Variants in SLC24A2 observed in about 807,000 individuals in gnomAD.
The protein encoded by SLC24A2 is solute carrier family 24 member 2, also known as sodium/potassium/calcium exchanger 2.
In SLC24A2, 36 loss-of-function variants were observed where a neutral mutation model predicts 62.0. The observed-to-expected ratio is 0.58, with a 90% CI of 0.44 to 0.77. The LOEUF (loss-of-function observed/expected upper bound fraction) is 0.77. SLC24A2 is among the 30% of genes least tolerant of loss of function. SLC24A2 has a pLI of 0.00. For synonymous variants in SLC24A2, 358 were observed against 294.0 expected (o/e 1.22, Z -2.23); for missense variants, 846 against 817.9 (o/e 1.03, Z -0.42).
the SLC24A2 span, among the ~76,000 whole-genome samples, chr9:20,245,495 T>C: frequency 6.6e-6 from 1 of 152,122 alleles, no homozygotes; most frequent in Non-Finnish European, 1.5e-5. Flanking sequence ...GAATGGCTAA[T>C]GATGGAATGG....
chr9:19,532,966 G>A (rs1050105585), intron 8 of SLC24A2, among the ~76,000 whole-genome samples: 2 of 152,094 alleles, frequency 1.3e-5, no homozygotes, highest in Non-Finnish European at 2.9e-5. Flanking sequence ...TCAAAGACTT[G>A]GTCCTCATTG....
the SLC24A2 span, among the ~76,000 whole-genome samples, chr9:19,995,208 C>T: frequency 1.3e-3 from 201 of 151,816 alleles, 1 homozygote; most frequent in Non-Finnish European, 1.1e-3. Flanking sequence ...TCTTCTTTCA[C>T]GCGTATCTTT....
intron 2 of SLC24A2, among the ~76,000 whole-genome samples, chr9:19,676,010 A>G (rs1327526922): frequency 6.6e-6 from 1 of 152,154 alleles, no homozygotes; most frequent in East Asian, 1.9e-4. Context: ...AAACTAAGAA[A>G]TGGCTTCCCT....
At chr9:19,550,949 C>T (rs1449949445) in intron 7 of SLC24A2, among the ~76,000 whole-genome samples, 1 of 152,040 alleles carries the variant, frequency 6.6e-6, no homozygotes, top group Non-Finnish European at 1.5e-5. Context: ...CCTCCATCAC[C>T]TTGAGTGTTT....
chr9:20,203,693 AAAG>A, the SLC24A2 span, among the ~76,000 whole-genome samples: 3 of 152,108 alleles, frequency 2.0e-5, no homozygotes, highest in Non-Finnish European at 4.4e-5. Flanking sequence ...AGAAAAAAAA[AAAG>A]AAGAAGAAAG....
the SLC24A2 span, among the ~76,000 whole-genome samples, chr9:20,214,005 T>C: frequency 6.6e-6 from 1 of 152,252 alleles, no homozygotes; most frequent in African/African-American, 2.4e-5. Flanking sequence ...CATAATGTCT[T>C]CAATGTCCAT....
At chr9:20,018,411 A>T in the SLC24A2 span, among the ~76,000 whole-genome samples, 1 of 152,136 alleles carries the variant, frequency 6.6e-6, no homozygotes, top group Non-Finnish European at 1.5e-5. Context: ...TGCCACGAGG[A>T]TAATCTATAC....
At chr9:20,122,174 G>A in the SLC24A2 span, among the ~76,000 whole-genome samples, 1 of 152,210 alleles carries the variant, frequency 6.6e-6, no homozygotes, top group Non-Finnish European at 1.5e-5. Context: ...GACAGTGTTA[G>A]CAGAGCATTT....
the SLC24A2 span, among the ~76,000 whole-genome samples, chr9:19,796,681 C>T: frequency 6.6e-6 from 1 of 152,198 alleles, no homozygotes; most frequent in Non-Finnish European, 1.5e-5. Flanking sequence ...ATTTTTAAGG[C>T]AATCCTTTCT....
Position 19,591,163 on chromosome 9 carries a change from A to G in SLC24A2, c.1129+6066T>C, listed in dbSNP as rs535416324. Among the ~76,000 whole-genome samples the G allele has an allele frequency of 3.8e-4, 58 of 152,254 alleles. 1 individual carries two copies. The highest frequency in any genetic ancestry group is 7.5e-4 in the Non-Finnish European group (51 of 68,010). On this transcript the variant is annotated intron_variant, in intron 5 of 10. Coordinates refer to ENST00000341998, the MANE Select transcript of SLC24A2 (RefSeq NM_020344.4). ...AGCTTTTAAATAACACGCATATTTT[A>G]TGACCCCCAAATTTACATCTACAGC...
At chr9:20,201,626 T>G in the SLC24A2 span, among the ~76,000 whole-genome samples, 4 of 152,240 alleles carry the variant, frequency 2.6e-5, no homozygotes, top group Non-Finnish European at 4.4e-5. Context: ...GATTTACTTA[T>G]TTAATGCCTG....
the SLC24A2 span, among the ~76,000 whole-genome samples, chr9:20,113,690 G>A: frequency 1.3e-5 from 2 of 151,982 alleles, no homozygotes; most frequent in East Asian, 1.9e-4. Flanking sequence ...GCATACATAT[G>A]TGTATCCATT....
chr9:19,704,117 G>T (rs768554726), intron 2 of SLC24A2, among the ~76,000 whole-genome samples: 11 of 150,370 alleles, frequency 7.3e-5, no homozygotes, highest in Non-Finnish European at 1.6e-4. Flanking sequence ...GTGATCTGTG[G>T]ACCAATATTT....
the SLC24A2 span, among the ~76,000 whole-genome samples, chr9:20,293,445 T>TA: frequency 1.3e-5 from 2 of 152,176 alleles, no homozygotes; most frequent in African/African-American, 4.8e-5. Context: ...AGGGAACCCC[T>TA]ATGACTGGTC....
At chr9:20,247,220 T>A in the SLC24A2 span, among the ~76,000 whole-genome samples, 1 of 152,162 alleles carries the variant, frequency 6.6e-6, no homozygotes, top group South Asian at 2.1e-4. Flanking sequence ...TCCTGACATC[T>A]CCACCCACTA....
intron 2 of SLC24A2, among the ~76,000 whole-genome samples, chr9:19,741,143 C>G (rs1251472519): frequency 2.0e-5 from 3 of 152,154 alleles, no homozygotes; most frequent in East Asian, 3.8e-4. Flanking sequence ...GCTAATCTTG[C>G]CTGAAAAATT....
the SLC24A2 span, among the ~76,000 whole-genome samples, chr9:20,137,702 C>T: frequency 6.6e-6 from 1 of 152,088 alleles, no homozygotes; most frequent in African/African-American, 2.4e-5. Context: ...CTACACCGCT[C>T]AATAAATGTT....
At chr9:19,949,445 A>G in the SLC24A2 span, among the ~76,000 whole-genome samples, 1 of 152,246 alleles carries the variant, frequency 6.6e-6, no homozygotes, top group Non-Finnish European at 1.5e-5. Flanking sequence ...AGAAATACAT[A>G]ACAAAATGTG....
the SLC24A2 span, among the ~76,000 whole-genome samples, chr9:20,293,670 A>G: frequency 6.6e-6 from 1 of 152,138 alleles, no homozygotes; most frequent in African/African-American, 2.4e-5. Context: ...ATACACAAGT[A>G]TTATCTTTGC....
Sources: gnomAD v4.1 joint callset for allele counts (sites outside exome capture counted in the v4.1 genomes callset) on GRCh38, gnomAD v4.1.1 for gene constraint, MANE v1.5 for transcripts, NCBI Gene and HGNC (gene_info 2026-07-23, HGNC 2026-07-21) for gene names.